The following FNDC3B variants were observed in gnomAD, a reference collection of about 807,000 sequenced individuals.
The protein encoded by FNDC3B is fibronectin type III domain containing 3B.
A neutral mutation model predicts 151.5 loss-of-function variants in FNDC3B; 12 were observed. The observed-to-expected ratio is 0.08, with a 90% CI of 0.05 to 0.13. The LOEUF is 0.13. Among genes scored for constraint, FNDC3B ranks in the 10% least tolerant of loss-of-function variants. The pLI is 1.00. For missense variants in FNDC3B, 1,214 were observed against 1,505.3 expected, an observed-to-expected ratio of 0.81 and a Z score of 3.20; for synonymous variants, 528 against 549.0, an observed-to-expected ratio of 0.96 and a Z score of 0.54.
At chr3:172,368,256 T>G (rs1734724253) in intron 23 of FNDC3B, among the ~76,000 whole-genome samples, 3 of 128,700 alleles carry the variant, frequency 2.3e-5, no homozygotes, top group African/African-American at 6.0e-5. Context: ...GGCAACAGAG[T>G]GAGACCCAGA....
At chr3:172,263,911 C>G (rs1258760114) in intron 6 of FNDC3B, among the ~76,000 whole-genome samples, 3 of 152,062 alleles carry the variant, frequency 2.0e-5, no homozygotes, top group African/African-American at 7.2e-5. Context: ...ATCATAGAAT[C>G]AGTAGGATTT....
At chr3:172,165,663 A>G (rs1443347006) in intron 3 of FNDC3B, among the ~76,000 whole-genome samples, 30 of 152,186 alleles carry the variant, frequency 2.0e-4, no homozygotes, top group Non-Finnish European at 2.9e-5. Flanking sequence ...ACTACATGAA[A>G]TCTCAGTTCT....
At chr3:172,231,017 A>G (rs956855375) in intron 4 of FNDC3B, among the ~76,000 whole-genome samples, 1 of 152,216 alleles carries the variant, frequency 6.6e-6, no homozygotes, top group Non-Finnish European at 1.5e-5. Context: ...TGTTCATAGG[A>G]GCATTATTCA....
chr3:172,101,106 C>T (rs542647933), intron 1 of FNDC3B, among the ~76,000 whole-genome samples: 6 of 152,202 alleles, frequency 3.9e-5, no homozygotes, highest in East Asian at 3.9e-4. Flanking sequence ...GAATTCTATA[C>T]GAGCTGATTA....
At chr3:172,196,462 A>T (rs1025922414) in intron 3 of FNDC3B, among the ~76,000 whole-genome samples, 4 of 152,082 alleles carry the variant, frequency 2.6e-5, no homozygotes, top group African/African-American at 9.7e-5. Context: ...CTGGGATTAG[A>T]GTCTCCCAGC....
At chr3:172,087,511 T>G (rs1718607348) in intron 1 of FNDC3B, among the ~76,000 whole-genome samples, 1 of 152,178 alleles carries the variant, frequency 6.6e-6, no homozygotes, top group Non-Finnish European at 1.5e-5. Context: ...GTGGAAAATA[T>G]GCTTAGAAAT....
At chr3:172,312,639 T>C (rs1731573175) in intron 11 of FNDC3B, among the ~76,000 whole-genome samples, 1 of 152,118 alleles carries the variant, frequency 6.6e-6, no homozygotes, top group Non-Finnish European at 1.5e-5. Flanking sequence ...TGTGTGTGTA[T>C]GTGCGTGCGT....
chr3:172,346,561 T>TC, intron 20 of FNDC3B, 121 bp downstream of exon 20: 3 of 601,640 alleles, frequency 5.0e-6, no homozygotes, highest in Admixed American at 3.2e-5. Context: ...TTTTTTTTTT[T>TC]GCTCTGTGTA....
intron 3 of FNDC3B, among the ~76,000 whole-genome samples, chr3:172,209,501 C>T (rs1244051454): frequency 6.6e-6 from 1 of 152,194 alleles, no homozygotes; most frequent in Non-Finnish European, 1.5e-5. Flanking sequence ...CACCTATCCA[C>T]AGACAGGTGA....
chr3:172,126,315 G>T (rs980086644), intron 2 of FNDC3B, among the ~76,000 whole-genome samples: 1 of 152,170 alleles, frequency 6.6e-6, no homozygotes. Flanking sequence ...TTTGCTCTCT[G>T]TAGAGGCTAG....
intron 7 of FNDC3B, among the ~76,000 whole-genome samples, chr3:172,294,912 C>T (rs759582918): frequency 4.6e-5 from 7 of 152,140 alleles, no homozygotes; most frequent in Non-Finnish European, 1.0e-4. Context: ...TCCAGTTTTC[C>T]ACCCATTGGG....
chr3:172,144,802 A>C (rs952411409), intron 3 of FNDC3B, among the ~76,000 whole-genome samples: 1 of 151,826 alleles, frequency 6.6e-6, no homozygotes, highest in East Asian at 1.9e-4. Context: ...GGTAATTTGC[A>C]CACTATTTGT....
At chr3:172,370,946 G>A (rs1051590859) in intron 23 of FNDC3B, among the ~76,000 whole-genome samples, 3 of 152,138 alleles carry the variant, frequency 2.0e-5, no homozygotes, top group Non-Finnish European at 4.4e-5. Context: ...AACAGACATT[G>A]GCACATCATT....
At position 172,156,912 on chromosome 3, in the gene FNDC3B, G is replaced by A. The variant is rs568528525; in HGVS notation, c.187+23366G>A. Among the ~76,000 whole-genome samples, 8 of 152,040 alleles carry A rather than the reference G, an allele frequency of 5.3e-5. No homozygotes were observed. In the East Asian group the frequency reaches 1.2e-3, roughly 22 times the overall value. On this transcript the variant is annotated intron_variant, in intron 3 of 25. Coordinates refer to ENST00000415807, the MANE Select transcript of FNDC3B (RefSeq NM_022763.4). ...GAAGTTTACTTGTCCTCAATATTCCGGTCTGCATGGTGACATGGCTATTGT... is the reference window on the plus strand; with the variant it reads ...GAAGTTTACTTGTCCTCAATATTCCAGTCTGCATGGTGACATGGCTATTGT...
At chr3:172,119,492 G>A (rs964262576) in intron 2 of FNDC3B, among the ~76,000 whole-genome samples, 1 of 152,166 alleles carries the variant, frequency 6.6e-6, no homozygotes, top group African/African-American at 2.4e-5. Flanking sequence ...TGAGGATTGG[G>A]ATAAGTGGGC....
At chr3:172,234,865 C>G (rs949514772) in intron 4 of FNDC3B, among the ~76,000 whole-genome samples, 2 of 151,846 alleles carry the variant, frequency 1.3e-5, no homozygotes, top group African/African-American at 4.8e-5. Flanking sequence ...AAAACTTTAC[C>G]AAGGTTAGAT....
At chr3:172,344,871 G>A (rs1733527655) in intron 19 of FNDC3B, among the ~76,000 whole-genome samples, 1 of 152,140 alleles carries the variant, frequency 6.6e-6, no homozygotes, top group Non-Finnish European at 1.5e-5. Context: ...TTTAGGGGGA[G>A]ATGAATAATG....
chr3:172,371,503 T>C (rs972357748), intron 23 of FNDC3B, among the ~76,000 whole-genome samples: 1 of 152,226 alleles, frequency 6.6e-6, no homozygotes, highest in African/African-American at 2.4e-5. Context: ...CAAGAAGATA[T>C]TACAGTCAAA....
chr3:172,295,769 G>A (rs1427748359), intron 8 of FNDC3B, among the ~76,000 whole-genome samples: 2 of 152,214 alleles, frequency 1.3e-5, no homozygotes, highest in Non-Finnish European at 2.9e-5. Context: ...GAGTATTAAT[G>A]AAAACTTTCT....
Sources: allele counts gnomAD v4.1 joint callset (sites outside exome capture counted in the v4.1 genomes callset), GRCh38; gene constraint gnomAD v4.1.1; transcripts MANE v1.5; gene names NCBI Gene and HGNC (gene_info 2026-07-23, HGNC 2026-07-21).